The following TMEM163 variants were observed in gnomAD, a reference collection of about 807,000 sequenced individuals.
TMEM163 encodes the protein transmembrane protein 163.
In TMEM163, 17 loss-of-function variants were observed where a neutral mutation model predicts 29.3. The ratio of observed to expected loss-of-function variants is 0.58; its 90% CI spans 0.40 to 0.87. The LOEUF (loss-of-function observed/expected upper bound fraction) is 0.87, where lower values mean the gene tolerates loss of function less well. Among genes scored for constraint, TMEM163 ranks in the 40% least tolerant of loss-of-function variants. The probability of loss-of-function intolerance (pLI) is 0.00; values close to 1 mark genes in which losing one functional copy is unlikely to be tolerated. For synonymous variants in TMEM163, 157 were observed against 160.6 expected (o/e 0.98, Z 0.17); for missense variants, 303 against 381.5 (o/e 0.79, Z 1.71).
intron 2 of TMEM163, among the ~76,000 whole-genome samples, chr2:134,597,965 C>A (rs1682127858): frequency 6.6e-6 from 1 of 152,138 alleles, no homozygotes; most frequent in Admixed American, 6.5e-5. Context: ...GTGATATCCC[C>A]TTTATCATTT....
intron 5 of TMEM163, among the ~76,000 whole-genome samples, chr2:134,484,834 C>T (rs557463718): frequency 6.6e-6 from 1 of 152,098 alleles, no homozygotes; most frequent in African/African-American, 2.4e-5. Context: ...ACGCTGATAA[C>T]AAAAAATCAA....
intron 4 of TMEM163, among the ~76,000 whole-genome samples, chr2:134,508,187 T>C (rs1217177326): frequency 6.6e-6 from 1 of 152,182 alleles, no homozygotes; most frequent in East Asian, 1.9e-4. Flanking sequence ...GCCTACCAAT[T>C]CTAGGTTACT....
At chr2:134,596,655 C>A (rs912895849) in intron 2 of TMEM163, among the ~76,000 whole-genome samples, 3 of 152,150 alleles carry the variant, frequency 2.0e-5, no homozygotes, top group Non-Finnish European at 4.4e-5. Context: ...TGAAGAAAGT[C>A]ATTGGTAGCT....
chr2:134,469,539 T>A (rs537479802), intron 5 of TMEM163: 1 of 152,388 alleles, frequency 6.6e-6, no homozygotes, highest in South Asian at 2.1e-4. Flanking sequence ...TCCTACGTGG[T>A]TCCCAGTTGA....
chr2:134,677,063 T>A (rs1016028117), intron 2 of TMEM163, among the ~76,000 whole-genome samples: 1 of 152,050 alleles, frequency 6.6e-6, no homozygotes, highest in African/African-American at 2.4e-5. Flanking sequence ...TAAAACACTA[T>A]GAAAATGTCC....
At chr2:134,580,874 C>T (rs1414569795) in intron 2 of TMEM163, among the ~76,000 whole-genome samples, 1 of 152,206 alleles carries the variant, frequency 6.6e-6, no homozygotes, top group Non-Finnish European at 1.5e-5. Flanking sequence ...GATGGCTCCA[C>T]TGCACTCCAG....
chr2:134,551,928 T>C, intron 3 of TMEM163, 120 bp downstream of exon 3: 1 of 751,956 alleles, frequency 1.3e-6, no homozygotes, highest in South Asian at 1.7e-5. Context: ...TTCCATAAAA[T>C]ATGTTTCTCA....
chr2:134,522,777 C>T (rs1170823173), intron 4 of TMEM163, among the ~76,000 whole-genome samples: 1 of 152,238 alleles, frequency 6.6e-6, no homozygotes, highest in Admixed American at 6.5e-5. Flanking sequence ...ATTTTCCCTA[C>T]TGTTACAAGT....
chr2:134,542,351 G>A (rs531721275), intron 4 of TMEM163, among the ~76,000 whole-genome samples: 4 of 152,310 alleles, frequency 2.6e-5, no homozygotes, highest in Non-Finnish European at 5.9e-5. Context: ...GAGTCACAGA[G>A]CAGGTAAGCA....
At chr2:134,533,563 A>G (rs1041261948) in intron 4 of TMEM163, among the ~76,000 whole-genome samples, 1 of 152,204 alleles carries the variant, frequency 6.6e-6, no homozygotes, top group Non-Finnish European at 1.5e-5. Flanking sequence ...AATCAATGAG[A>G]CGAATGAAAA....
At chr2:134,625,763 A>G (rs1438296535) in intron 2 of TMEM163, among the ~76,000 whole-genome samples, 2 of 152,332 alleles carry the variant, frequency 1.3e-5, no homozygotes, top group East Asian at 3.9e-4. Context: ...ATTAAGCCTA[A>G]GCGTTTACAA....
chr2:134,660,811 C>G (rs891903065), intron 2 of TMEM163, among the ~76,000 whole-genome samples: 3 of 152,204 alleles, frequency 2.0e-5, no homozygotes, highest in Non-Finnish European at 2.9e-5. Flanking sequence ...GTATATTGCT[C>G]AGTTAAAAGA....
chr2:134,584,881 T>C (rs1681779088), intron 2 of TMEM163, among the ~76,000 whole-genome samples: 1 of 152,138 alleles, frequency 6.6e-6, no homozygotes, highest in Non-Finnish European at 1.5e-5. Context: ...CCAAAGGCAA[T>C]GACTTGTCCA....
Position 134,458,159 on chromosome 2 carries a change from C to CGAGG in TMEM163, c.678_681dup (p.Val228ProfsTer20). The CGAGG allele has an allele frequency of 6.2e-7, 1 of 1,614,160 alleles. No homozygotes were observed. The highest frequency in any genetic ancestry group is 8.5e-7 in the Non-Finnish European group (1 of 1,180,034). ...ATGGAGAAGCCCATCACGCCACCCA[C>CGAGG]GAGGGAGTTAAACCCTGCAAAGGAA... On this transcript the variant is annotated frameshift_variant, in exon 7 of 8. Coordinates refer to ENST00000281924, the MANE Select transcript of TMEM163 (RefSeq NM_030923.5). LOFTEE classifies it high-confidence loss of function.
intron 4 of TMEM163, among the ~76,000 whole-genome samples, chr2:134,539,121 T>C (rs1192799399): frequency 6.6e-6 from 1 of 152,230 alleles, no homozygotes; most frequent in African/African-American, 2.4e-5. Context: ...TATTATCTCA[T>C]GTGTTTCTTA....
intron 2 of TMEM163, among the ~76,000 whole-genome samples, chr2:134,635,885 G>A (rs754520994): frequency 8.5e-5 from 13 of 152,138 alleles, no homozygotes; most frequent in Non-Finnish European, 8.8e-5. Context: ...TCAGCAAGCA[G>A]AGACCCCATG....
At chr2:134,480,920 TG>T (rs1358910958) in intron 5 of TMEM163, among the ~76,000 whole-genome samples, 10 of 152,356 alleles carry the variant, frequency 6.6e-5, no homozygotes, top group African/African-American at 2.4e-4. Context: ...ATTCTGTCAA[TG>T]GTAATACCAG....
intron 4 of TMEM163, among the ~76,000 whole-genome samples, chr2:134,542,746 T>C (rs1423885820): frequency 6.6e-6 from 1 of 152,116 alleles, no homozygotes. Flanking sequence ...AAATGTATCG[T>C]CCCACAGTTC....
intron 2 of TMEM163, among the ~76,000 whole-genome samples, chr2:134,610,240 G>C (rs1261259764): frequency 6.6e-6 from 1 of 152,178 alleles, no homozygotes; most frequent in Non-Finnish European, 1.5e-5. Flanking sequence ...GGGACAGAGG[G>C]GACAGAACCT....
Sources: allele counts gnomAD v4.1 joint callset (sites outside exome capture counted in the v4.1 genomes callset), GRCh38; gene constraint gnomAD v4.1.1; transcripts MANE v1.5; gene names NCBI Gene and HGNC (gene_info 2026-07-23, HGNC 2026-07-21).